NAV2: variants seen among roughly 807,000 people sequenced by gnomAD.
The protein encoded by NAV2 is helicase, APC down-regulated 1.
A neutral mutation model predicts 223.2 loss-of-function variants in NAV2; 54 were observed. The ratio of observed to expected loss-of-function variants is 0.24; its 90% CI spans 0.19 to 0.30. The LOEUF is 0.30. NAV2 is among the 10% of genes least tolerant of loss of function. The pLI is 1.00. For missense variants in NAV2, 2,806 were observed against 3,147.5 expected, an observed-to-expected ratio of 0.89 and a Z score of 2.60; for synonymous variants, 1,279 against 1,239.3, an observed-to-expected ratio of 1.03 and a Z score of -0.67.
chr11:19,953,957 T>A (rs954462943), intron 10 of NAV2, among the ~76,000 whole-genome samples: 32 of 152,122 alleles, frequency 2.1e-4, no homozygotes, highest in Admixed American at 1.5e-3. Flanking sequence ...GACTGGGACT[T>A]AGCAGGTATT....
intron 1 of NAV2, among the ~76,000 whole-genome samples, chr11:19,552,640 C>T (rs773988640): frequency 1.2e-4 from 18 of 152,272 alleles, no homozygotes; most frequent in Non-Finnish European, 1.9e-4. Context: ...ACATGAAGGA[C>T]GGTAGGACCA....
chr11:19,604,361 A>T (rs761446824), intron 1 of NAV2, among the ~76,000 whole-genome samples: 10 of 151,970 alleles, frequency 6.6e-5, no homozygotes, highest in African/African-American at 9.7e-5. Flanking sequence ...CTCAAATTAG[A>T]GTTGATAGGA....
chr11:19,479,779 A>G (rs1033832860), intron 1 of NAV2, among the ~76,000 whole-genome samples: 3 of 152,204 alleles, frequency 2.0e-5, no homozygotes, highest in Non-Finnish European at 4.4e-5. Context: ...ATAGTGCCCA[A>G]TCTAAGCCTT....
At chr11:19,643,611 G>A (rs1470559483) in intron 1 of NAV2, among the ~76,000 whole-genome samples, 2 of 152,104 alleles carry the variant, frequency 1.3e-5, no homozygotes, top group South Asian at 4.2e-4. Context: ...TGTGAATAGT[G>A]CCACAATAAA....
chr11:19,857,392 G>A (rs2061464904), intron 3 of NAV2, among the ~76,000 whole-genome samples: 1 of 152,224 alleles, frequency 6.6e-6, no homozygotes, highest in Non-Finnish European at 1.5e-5. Context: ...ATTTGTGACT[G>A]TATGTTTAGT....
In NAV2 at chr11:20,062,291, T is replaced by G. The variant is rs376458579; in HGVS notation, c.4832-16T>G. The G allele has an allele frequency of 6.2e-7, 1 of 1,601,556 alleles. No homozygotes were observed. Among genetic ancestry groups the G allele is most frequent in the Non-Finnish European group, 8.5e-7 (1 of 1,176,026 alleles). ...ACAGCCATCTATCAATTCACCTTTT[T>G]TTTTTCTTTTAATAGTTCATGGATC... On this transcript the variant is annotated splice_polypyrimidine_tract_variant and intron_variant, in intron 19 of 37. Transcript: ENST00000349880.
rs1310575344 is a variant in NAV2 at position 20,049,172 on chromosome 11, T to C, written c.4347T>C (p.Ser1449=). ...DSLTPFVRTN[S]VKTTLSESPL... ...TGACTCCCTTTGTCAGAACTAACAG[T>C]GTGAAGACCACACTGTCAGAAAGGT... The change falls in exon 15 of 38, where the codon AGT becomes AGC. Residue 1449 remains serine (S), a synonymous_variant. Transcript: ENST00000349880. 1 of 1,603,838 alleles carries C rather than the reference T, an allele frequency of 6.2e-7. No homozygotes were observed. The highest frequency in any genetic ancestry group is 1.1e-5 in the South Asian group (1 of 89,240).
At chr11:19,711,981 A>G (rs1590132192), upstream of NAV2, 3 of 152,408 alleles carry the variant, frequency 2.0e-5, no homozygotes, top group Admixed American at 2.0e-4. Context: ...TAAATCGCGA[A>G]GGCTGGCCTG....
intron 1 of NAV2, among the ~76,000 whole-genome samples, chr11:19,508,883 C>A (rs890609285): frequency 6.6e-6 from 1 of 152,182 alleles, no homozygotes; most frequent in Non-Finnish European, 1.5e-5. Flanking sequence ...GCAAGGTGAG[C>A]CCTTCATAAA....
intron 1 of NAV2, among the ~76,000 whole-genome samples, chr11:19,621,407 C>G (rs1438095595): frequency 1.3e-5 from 2 of 152,150 alleles, no homozygotes; most frequent in Non-Finnish European, 2.9e-5. Context: ...GGTTGGCAAG[C>G]TAGTAATTAT....
chr11:19,773,527 C>A lies in NAV2; in HGVS notation c.268-58957C>A, dbSNP rs1227050635. 2.0e-5 allele frequency among the ~76,000 whole-genome samples: 3 copies of A among 152,196 alleles called. No homozygotes were observed. The East Asian group carries it at 5.8e-4, about 29-fold the overall frequency. ...GAAGGCACCAGACCACACTTCAGGG[C>A]AGACCTTCATAAGCATTGTTCCATG... is the stretch of plus-strand genomic sequence containing the variant. On this transcript the variant is annotated intron_variant, in intron 1 of 37. Transcript: ENST00000349880.
At position 19,998,559 on chromosome 11, in the gene NAV2, G is replaced by A. The variant is rs1299123423; in HGVS notation, c.2768+14312G>A. 6.6e-6 allele frequency among the ~76,000 whole-genome samples: 1 copy of A among 152,122 alleles called. No homozygotes were observed. Among genetic ancestry groups the A allele is most frequent in the Non-Finnish European group, 1.5e-5 (1 of 68,024 alleles). ...TGCCGTGGCCTCCAAGGGGGTGTGT[G>A]TTCTGGCCCCTGCGCACCTCTCCAG... On this transcript the variant is annotated intron_variant, in intron 11 of 37. Coordinates refer to ENST00000349880, the MANE Select transcript of NAV2 (RefSeq NM_145117.5). The surrounding 1 kb of genome is among the most constrained non-coding windows in gnomAD (Gnocchi z 5.0).
At chr11:19,852,480 G>A (rs1179858384) in intron 3 of NAV2, among the ~76,000 whole-genome samples, 2 of 152,150 alleles carry the variant, frequency 1.3e-5, no homozygotes, top group East Asian at 1.9e-4. Flanking sequence ...ATTGTGGGCC[G>A]ATATACATAC....
intron 1 of NAV2, among the ~76,000 whole-genome samples, chr11:19,615,871 T>C (rs1358004114): frequency 6.6e-6 from 1 of 152,194 alleles, no homozygotes; most frequent in Non-Finnish European, 1.5e-5. Flanking sequence ...TTCAGAAAAC[T>C]GAAGCAGTAA....
Position 20,114,700 on chromosome 11 carries a change from C to T in NAV2, c.7069C>T (p.Arg2357Trp), listed in dbSNP as rs1046444735. 24 of 1,614,022 alleles carry T rather than the reference C, an allele frequency of 1.5e-5. No homozygotes were observed. Among genetic ancestry groups the T allele is most frequent in the South Asian group, 4.4e-5 (4 of 91,078 alleles). ...QHEWPPLLQL[R>W]PEDVGFDGYS... ...CGAGTGGCCTCCCCTGCTGCAGTTA[C>T]GGCCTGAGGATGTCGGCTTCGACGG... Residue 2357 changes from arginine (R) to tryptophan (W), a missense_variant, in exon 37 of 38, where the codon CGG (arginine) becomes TGG (tryptophan). Physicochemically the swap from Arg to Trp is moderately radical, Grantham distance 101. This residue lies in a region of NAV2 where 824 missense variants were observed against 1,069.4 expected (regional missense o/e 0.77). Coordinates refer to ENST00000349880, the MANE Select transcript of NAV2 (RefSeq NM_145117.5).
At chr11:19,499,946 C>G (rs191172926) in intron 1 of NAV2, among the ~76,000 whole-genome samples, 2 of 152,114 alleles carry the variant, frequency 1.3e-5, no homozygotes, top group East Asian at 1.9e-4. Flanking sequence ...AGTAAATTGA[C>G]TCTATCAGTG....
chr11:19,414,595 C>A (rs1006391471), intron 1 of NAV2, among the ~76,000 whole-genome samples: 1 of 152,138 alleles, frequency 6.6e-6, no homozygotes, highest in Non-Finnish European at 1.5e-5. Flanking sequence ...CCAAGCAGAC[C>A]TAATAGACAT....
At chr11:20,079,340 C>A (rs1010328559) in intron 24 of NAV2, among the ~76,000 whole-genome samples, 1 of 152,112 alleles carries the variant, frequency 6.6e-6, no homozygotes, top group Admixed American at 6.5e-5. Flanking sequence ...TACACCCGGC[C>A]GAGGGTCACT....
rs532404458 is a variant in NAV2, at chr11:19,612,075, G to A, written c.76-220409G>A. On this transcript the variant is annotated intron_variant, in intron 1 of 37. Transcript: ENST00000360655. ...TGCACCCACAGGCTCAACACTACAT[G>A]GAAGCTGCCAAGGCTTGGAGCTTCC... Among the ~76,000 whole-genome samples the A allele has an allele frequency of 5.3e-5, 8 of 152,302 alleles. 1 individual carries two copies. The highest frequency in any genetic ancestry group is 1.9e-4 in the African/African-American group (8 of 41,560).
Sources: gnomAD v4.1 joint callset for allele counts (sites outside exome capture counted in the v4.1 genomes callset) on GRCh38, gnomAD v4.1.1 for gene constraint, gnomAD v4.1.1 regional missense constraint, Gnocchi (gnomAD v3.1) non-coding constraint, MANE v1.5 for transcripts, NCBI Gene and HGNC (gene_info 2026-07-23, HGNC 2026-07-21) for gene names.